ABCA3: variants seen among roughly 807,000 people sequenced by gnomAD.
ABCA3 encodes phospholipid-transporting ATPase ABCA3.
ABCA3 carries 88 observed loss-of-function variants against 172.8 expected under a neutral mutation model. The observed-to-expected ratio is 0.51, with a 90% confidence interval of 0.43 to 0.61. The LOEUF (loss-of-function observed/expected upper bound fraction) is 0.61. Among genes scored for constraint, ABCA3 ranks in the 20% least tolerant of loss-of-function variants. The pLI, the probability that ABCA3 is intolerant of heterozygous loss-of-function variation, is 0.00. For synonymous variants in ABCA3, 1,066 were observed against 983.8 expected (o/e 1.08, Z -1.56); for missense variants, 2,164 against 2,301.0 (o/e 0.94, Z 1.22).
chr16:2,328,873 G>C (rs976463598), intron 2 of ABCA3, 116 bp from the exon 3 acceptor site: 4 of 155,622 alleles, frequency 2.6e-5, no homozygotes, highest in Non-Finnish European at 5.7e-5. Context: ...ACAATGACCC[G>C]GGAGACTCCA....
chr16:2,289,521 G>T lies in ABCA3; in HGVS notation c.2613C>A (p.Asp871Glu). 6.3e-7 allele frequency: 1 copy of T among 1,587,098 alleles called. No homozygotes were observed. Residue 871 changes from aspartate (D) to glutamate (E), a missense_variant, in exon 20 of 33, where the codon GAC becomes GAA. Around this residue, in one of 3 missense-constraint regions of ABCA3, gnomAD observed 1,343 missense variants for 1,369.6 expected, o/e 0.98. Transcript: ENST00000301732. ...GGTCCATGGCCCCACAGAGGTTGCT[G>T]TCCACAGCCCAGTCGCTGGCGCGCC... is the stretch of plus-strand genomic sequence containing the variant. ...HERRASDWAV[D>E]SNLCGAMDPS...
rs1371031230 is a variant in ABCA3, at chr16:2,283,382, G to A, written c.3863-24C>T. 1 of 1,608,494 alleles carries A rather than the reference G, an allele frequency of 6.2e-7. No individual in the cohort carries two copies. Among genetic ancestry groups the A allele is most frequent in the African/African-American group, 1.3e-5 (1 of 74,818 alleles). On this transcript the variant is annotated intron_variant, in intron 25 of 32. Coordinates refer to ENST00000301732, the MANE Select transcript of ABCA3 (RefSeq NM_001089.3). This position sits in a 1 kb window ranked among gnomAD's most constrained non-coding sequence, Gnocchi z 5.4. The stretch of plus-strand genomic sequence containing the variant: ...GTCTGTGGGGCGAGGGAGTCACTGT[G>A]CCCCGAGGCCTGGGGCACCCTCCTC...
chr16:2,283,888 G>A lies in ABCA3; in HGVS notation c.3862+391C>T. On this transcript the variant is annotated intron_variant, in intron 25 of 32. Coordinates refer to ENST00000301732, the MANE Select transcript of ABCA3 (RefSeq NM_001089.3). The surrounding 1 kb of genome is among the most constrained non-coding windows in gnomAD (Gnocchi z 5.4). Reference sequence around the variant, plus strand: ...AGAAGGAGATTTGAGACAGGAGACAGGAGCTGCCATGCGAGGATGGAGGCG... The same window carrying A: ...AGAAGGAGATTTGAGACAGGAGACAAGAGCTGCCATGCGAGGATGGAGGCG... 3.9e-6 allele frequency: 1 copy of A among 254,498 alleles called. No individual in the cohort carries two copies. Among genetic ancestry groups the A allele is most frequent in the South Asian group, 5.9e-5 (1 of 17,012 alleles). The allele number at this position is 254,498 out of a possible 1,614,324, so 15.8% of individuals were successfully genotyped here.
chr16:2,328,459 G>C lies in ABCA3; in HGVS notation c.-33C>G, dbSNP rs574576041. On this transcript the variant is annotated 5_prime_UTR_variant, in exon 3 of 33. Transcript: ENST00000301732. ...GAGTTCATGAGCTGCTAACCTGCTA[G>C]AGAAGTAGGTGGTCTGAGTAAGTTC... 2.0e-6 allele frequency: 1 copy of C among 505,382 alleles called. No individual in the cohort carries two copies. Among genetic ancestry groups the C allele is most frequent in the South Asian group, 1.5e-5 (1 of 68,786 alleles). The allele number at this position is 505,382 out of a possible 1,614,324, so 31.3% of individuals were successfully genotyped here. A position where few individuals can be genotyped will look rare whatever the true frequency, so the allele number is the denominator to read the frequency against.
In ABCA3 at chr16:2,288,168, G is replaced by T. The variant is rs1315658743; in HGVS notation, c.2862C>A (p.Pro954=). 1 of 1,609,086 alleles carries T rather than the reference G, an allele frequency of 6.2e-7. No individual in the cohort carries two copies. Reference sequence around the variant, plus strand: ...ACTCGCCCAAGGTCAGCCTCAGCATGGGGTCGTCGAAGAGCTCCGAGGAGT... The same window carrying T: ...ACTCGCCCAAGGTCAGCCTCAGCATTGGGTCGTCGAAGAGCTCCGAGGAGT... ...INYSSELFDD[P]MLRLTLGEYG... is the part of the protein sequence containing the mutation. The change falls in exon 21 of 33, where the codon CCC becomes CCA. Residue 954 remains proline, a synonymous_variant. Transcript: ENST00000301732.
rs2093744030 is a variant in ABCA3 at position 2,332,008 on chromosome 16, A to G, written c.-538-2154T>C. ...ATCACACATATCATTGAGTATCTCA[A>G]TGTTTGTTTTTTAGGTAAGCAACTG... On this transcript the variant is annotated intron_variant, in intron 1 of 32. Coordinates refer to ENST00000301732, the MANE Select transcript of ABCA3 (RefSeq NM_001089.3). Among the ~76,000 whole-genome samples, 5 of 152,150 alleles carry G rather than the reference A, an allele frequency of 3.3e-5. No homozygotes were observed. In the South Asian group the frequency reaches 1.0e-3, roughly 31 times the overall value.
At chr16:2,336,597 ATT>A (rs11284766) in intron 1 of ABCA3, among the ~76,000 whole-genome samples, 497 of 101,320 alleles carry the variant, frequency 4.9e-3, no homozygotes, top group African/African-American at 0.018. Context: ...CGCCCAGCTA[ATT>A]TTTTTTTTTT....
chr16:2,289,199 T>G (rs1231365212), intron 20 of ABCA3: 3 of 584,720 alleles, frequency 5.1e-6, no homozygotes, highest in African/African-American at 3.7e-5. Flanking sequence ...GACAAGCTCC[T>G]GTTGAGCAGG....
intron 1 of ABCA3, among the ~76,000 whole-genome samples, chr16:2,336,922 T>C (rs556396216): frequency 1.4e-4 from 21 of 151,948 alleles, no homozygotes; most frequent in South Asian, 6.2e-4. Context: ...TTTTTTTTTT[T>C]CTCTGTTAGA....
chr16:2,313,605 A>G (rs1050353121), intron 10 of ABCA3, among the ~76,000 whole-genome samples: 1 of 151,508 alleles, frequency 6.6e-6, no homozygotes, highest in Non-Finnish European at 1.5e-5. Flanking sequence ...ATAGTTTAAA[A>G]AAAAAAAGAA....
At position 2,281,515 on chromosome 16, in the gene ABCA3, T is replaced by G; in HGVS notation, c.4036-6A>C. The G allele has an allele frequency of 3.1e-6, 5 of 1,604,500 alleles. No individual in the cohort carries two copies. In the South Asian group the frequency reaches 5.5e-5, roughly 18 times the overall value. On this transcript the variant is annotated splice_polypyrimidine_tract_variant and splice_region_variant and intron_variant, in intron 26 of 32. Transcript: ENST00000301732. This position sits in a 1 kb window ranked among gnomAD's most constrained non-coding sequence, Gnocchi z 4.7. ...ATCCGGGTGTATAATTCTGTCTGAT[T>G]GACCAGGACAAAGACCGCATGCGTG... is the stretch of plus-strand genomic sequence containing the variant.
At chr16:2,302,820 GCT>G (rs1432328013) in intron 12 of ABCA3, among the ~76,000 whole-genome samples, 1 of 144,392 alleles carries the variant, frequency 6.9e-6, no homozygotes, top group Non-Finnish European at 1.5e-5. Context: ...ATGGAGTCTC[GCT>G]CTGTCGCCCA....
In ABCA3 at chr16:2,285,366, C is replaced by G; in HGVS notation, c.3483+76G>C. 6.6e-7 allele frequency: 1 copy of G among 1,524,454 alleles called. No homozygotes were observed. Among genetic ancestry groups the G allele is most frequent in the African/African-American group, 1.4e-5 (1 of 72,808 alleles). 94.4% of individuals were successfully genotyped at this position (1,524,454 alleles called of 1,614,324 possible). ...GGCCTAGGGGCTGCCCAGCTGGTTC[C>G]GGTTCTGCACAGGGGTCCCAGGGCA... On this transcript the variant is annotated intron_variant, in intron 23 of 32. Transcript: ENST00000301732. The surrounding 1 kb of genome is among the most constrained non-coding windows in gnomAD (Gnocchi z 4.7).
chr16:2,281,630 G>C lies in ABCA3; in HGVS notation c.4036-121C>G, dbSNP rs184205375. The stretch of plus-strand genomic sequence containing the variant: ...GGGACTAAGGCCTTCAAGGCTTCTC[G>C]TCCCAATCTCAGGCCCCACAGGTGC... On this transcript the variant is annotated intron_variant, in intron 26 of 32. Coordinates refer to ENST00000301732, the MANE Select transcript of ABCA3 (RefSeq NM_001089.3). This position sits in a 1 kb window ranked among gnomAD's most constrained non-coding sequence, Gnocchi z 4.7. 5 of 1,285,680 alleles carry C rather than the reference G, an allele frequency of 3.9e-6. No individual in the cohort carries two copies. The highest frequency in any genetic ancestry group is 5.5e-6 in the Non-Finnish European group (5 of 909,802). 79.6% of individuals were successfully genotyped at this position (1,285,680 alleles called of 1,614,324 possible). A position where few individuals can be genotyped will look rare whatever the true frequency, so the allele number is the denominator to read the frequency against.
At position 2,281,570 on chromosome 16, in the gene ABCA3, A is replaced by C; in HGVS notation, c.4036-61T>G. On this transcript the variant is annotated intron_variant, in intron 26 of 32. Coordinates refer to ENST00000301732, the MANE Select transcript of ABCA3 (RefSeq NM_001089.3). This position sits in a 1 kb window ranked among gnomAD's most constrained non-coding sequence, Gnocchi z 4.7. The stretch of plus-strand genomic sequence containing the variant: ...CAGCCGCAGGGCGGCTTCCGTGGAG[A>C]AGGGAGGGGCGGGGGTGGATGTGGG... 1 of 559,806 alleles carries C rather than the reference A, an allele frequency of 1.8e-6. No homozygotes were observed. Among genetic ancestry groups the C allele is most frequent in the Non-Finnish European group, 3.3e-6 (1 of 300,056 alleles). The allele number at this position is 559,806 out of a possible 1,614,324, so 34.7% of individuals were successfully genotyped here.
chr16:2,306,973 C>T (rs904617124), intron 11 of ABCA3, among the ~76,000 whole-genome samples: 21 of 147,514 alleles, frequency 1.4e-4, no homozygotes, highest in Non-Finnish European at 2.1e-4. Flanking sequence ...CGAGATTGCG[C>T]CACTGCCCTC....
chr16:2,333,226 G>A (rs1257301381), intron 1 of ABCA3, among the ~76,000 whole-genome samples: 1 of 152,174 alleles, frequency 6.6e-6, no homozygotes, highest in Non-Finnish European at 1.5e-5. Flanking sequence ...AGGGGCACAA[G>A]ACCCATTACG....
rs944726603 is a variant in ABCA3, at chr16:2,278,575, C to G, written c.4548-117G>C. 8 of 1,340,296 alleles carry G rather than the reference C, an allele frequency of 6.0e-6. No homozygotes were observed. The African/African-American group carries it at 1.0e-4, about 17-fold the overall frequency. 83.0% of individuals were successfully genotyped at this position (1,340,296 alleles called of 1,614,324 possible). Reference sequence around the variant, plus strand: ...CCACACCCAGCAATTGCAGAACAGCCCTAGTGAAGAGGAAGGAGCTGTGTG... The same window carrying G: ...CCACACCCAGCAATTGCAGAACAGCGCTAGTGAAGAGGAAGGAGCTGTGTG... On this transcript the variant is annotated intron_variant, in intron 29 of 32. Coordinates refer to ENST00000301732, the MANE Select transcript of ABCA3 (RefSeq NM_001089.3). This position sits in a 1 kb window ranked among gnomAD's most constrained non-coding sequence, Gnocchi z 4.4.
intron 19 of ABCA3, 151 bp downstream of exon 19, chr16:2,291,989 C>T (rs111502111): frequency 1.9e-5 from 12 of 636,398 alleles, no homozygotes; most frequent in African/African-American, 1.1e-4. Context: ...AGGAGAATCT[C>T]TTGAACCCAG....
Sources: gnomAD v4.1 joint callset for allele counts (sites outside exome capture counted in the v4.1 genomes callset) on GRCh38, gnomAD v4.1.1 for gene constraint, gnomAD v4.1.1 regional missense constraint, Gnocchi (gnomAD v3.1) non-coding constraint, MANE v1.5 for transcripts, NCBI Gene and HGNC (gene_info 2026-07-23, HGNC 2026-07-21) for gene names.